Variants in KCNH1 observed in about 807,000 individuals in gnomAD.
The protein encoded by KCNH1 is potassium voltage-gated channel subfamily H member 1, also known as voltage-gated delayed rectifier potassium channel KCNH1.
A neutral mutation model predicts 69.2 loss-of-function variants in KCNH1; 27 were observed. The ratio of observed to expected loss-of-function variants is 0.39; its 90% confidence interval spans 0.29 to 0.54. The LOEUF is 0.54. KCNH1 is among the 20% of genes least tolerant of loss of function. The pLI is 0.68. For synonymous variants in KCNH1, 456 were observed against 487.7 expected, an observed-to-expected ratio of 0.93 and a Z score of 0.86; for missense variants, 798 against 1,261.6, an observed-to-expected ratio of 0.63 and a Z score of 5.57.
rs558334005 is a variant in KCNH1, at chr1:211,084,358, T to G, written c.440-1460A>C. On this transcript the variant is annotated intron_variant, in intron 4 of 10. Transcript: ENST00000271751. Reference sequence around the variant, plus strand: ...TTTCAGTCAGTTGTGTATGTAAACATCAGCAAGGGCTCTGCACCCACCCTA... The same window carrying G: ...TTTCAGTCAGTTGTGTATGTAAACAGCAGCAAGGGCTCTGCACCCACCCTA... 3.0e-5 allele frequency among the ~76,000 whole-genome samples: 4 copies of G among 135,068 alleles called. No homozygotes were observed. The South Asian group carries it at 1.0e-3, about 35-fold the overall frequency. 88.6% of individuals were successfully genotyped at this position (135,068 alleles called of 152,430 possible).
chr1:211,003,033 T>TTTTGTTTGTTTG lies in KCNH1; in HGVS notation c.1032+15738_1032+15749dup, dbSNP rs61680039. 3.7e-4 allele frequency among the ~76,000 whole-genome samples: 56 copies of TTTTGTTTGTTTG among 151,246 alleles called. No individual in the cohort carries two copies. In the East Asian group the frequency reaches 5.5e-3, roughly 15 times the overall value. ...GTATGACTTGTGAGCTAAGAATGTTTTTTGTTTGTTTGTTTGTTTGTTTGT... is the reference window on the plus strand; with the variant it reads ...GTATGACTTGTGAGCTAAGAATGTTTTTTGTTTGTTTGTTTGTTTGTTTGTTTGTTTGTTTGT... On this transcript the variant is annotated intron_variant, in intron 6 of 10. Transcript: ENST00000271751.
chr1:210,832,835 CAT>C (rs1222537657), intron 7 of KCNH1, among the ~76,000 whole-genome samples: 1 of 150,230 alleles, frequency 6.7e-6, no homozygotes, highest in East Asian at 1.9e-4. Context: ...TACAATTAAT[CAT>C]ATATCAGCAA....
At chr1:210,786,423 C>T (rs1369862340) in intron 9 of KCNH1, among the ~76,000 whole-genome samples, 1 of 152,202 alleles carries the variant, frequency 6.6e-6, no homozygotes, top group Non-Finnish European at 1.5e-5. Context: ...GTCATACTCC[C>T]TTACGACCCC....
chr1:211,048,618 C>G (rs1558582226), intron 5 of KCNH1, among the ~76,000 whole-genome samples: 1 of 152,146 alleles, frequency 6.6e-6, no homozygotes, highest in Non-Finnish European at 1.5e-5. Flanking sequence ...ATCGTATGTT[C>G]TCACTTATAA....
chr1:211,070,424 A>ACACACACACACACACAC (rs1232138926), intron 5 of KCNH1, among the ~76,000 whole-genome samples: 12 of 110,070 alleles, frequency 1.1e-4, no homozygotes, highest in Non-Finnish European at 1.6e-4. Context: ...CCTTTAAAAA[A>ACACACACACACACACAC]AAAAAAACAC....
At chr1:210,744,938 C>T (rs1389052843) in intron 10 of KCNH1, among the ~76,000 whole-genome samples, 2 of 152,152 alleles carry the variant, frequency 1.3e-5, no homozygotes, top group South Asian at 2.1e-4. Flanking sequence ...CATGGTGGCT[C>T]ACTCCTGTAA....
At chr1:210,806,271 T>C (rs1684548559) in intron 7 of KCNH1, among the ~76,000 whole-genome samples, 3 of 152,218 alleles carry the variant, frequency 2.0e-5, no homozygotes, top group Admixed American at 6.5e-5. Flanking sequence ...TGAGTATGAC[T>C]TGCCATCTCA....
At chr1:211,078,872 C>A (rs1479812164) in intron 5 of KCNH1, among the ~76,000 whole-genome samples, 4 of 131,082 alleles carry the variant, frequency 3.1e-5, no homozygotes, top group African/African-American at 1.1e-4. Context: ...GAGCCGAGAT[C>A]ACACCACTGC....
chr1:211,040,169 C>T (rs1245221243), intron 5 of KCNH1, among the ~76,000 whole-genome samples: 2 of 131,678 alleles, frequency 1.5e-5, no homozygotes, highest in East Asian at 2.2e-4. Context: ...CTAGTCTGGG[C>T]AACAGAGCAA....
At chr1:211,029,793 C>T in intron 5 of KCNH1, among the ~76,000 whole-genome samples, 1 of 152,030 alleles carries the variant, frequency 6.6e-6, no homozygotes, top group East Asian at 1.9e-4. Flanking sequence ...CAGAACATCC[C>T]AAAGAATTCA....
Position 210,683,486 on chromosome 1 carries a change from A to C in KCNH1, c.2765T>G (p.Leu922Arg). 5 of 1,614,122 alleles carry C rather than the reference A, an allele frequency of 3.1e-6. No individual in the cohort carries two copies. Among genetic ancestry groups the C allele is most frequent in the Non-Finnish European group, 4.2e-6 (5 of 1,180,022 alleles). ...HSFYPIPEQT[L>R]QATVLEVRHE... ...CCTCACCTCCAGGACTGTGGCCTGC[A>C]GCGTCTGCTCAGGGATGGGGTAGAA... is the stretch of plus-strand genomic sequence containing the variant. The change falls in exon 11 of 11, where the codon CTG becomes CGG. Residue 922 changes from leucine to arginine, a missense_variant. Leu to Arg is a moderately radical substitution (Grantham distance 102). Transcript: ENST00000271751. The surrounding 1 kb of genome is among the most constrained non-coding windows in gnomAD (Gnocchi z 5.7).
chr1:211,110,085 C>CAAAAG (rs1553380632), intron 1 of KCNH1, among the ~76,000 whole-genome samples: 5 of 148,662 alleles, frequency 3.4e-5, no homozygotes, highest in Non-Finnish European at 5.9e-5. Context: ...CTAAGAGGAA[C>CAAAAG]AGCAAAAAGA....
chr1:211,054,564 G>C (rs182148434), intron 5 of KCNH1, among the ~76,000 whole-genome samples: 184 of 152,050 alleles, frequency 1.2e-3, no homozygotes, highest in African/African-American at 4.2e-3. Flanking sequence ...CTATGGAATA[G>C]AAAAATAACG....
chr1:211,060,254 T>C (rs1159345377), intron 5 of KCNH1, among the ~76,000 whole-genome samples: 1 of 151,628 alleles, frequency 6.6e-6, no homozygotes, highest in Non-Finnish European at 1.5e-5. Flanking sequence ...GAAAAGTTTA[T>C]ACCAATAAAT....
chr1:210,683,819 T>A lies in KCNH1; in HGVS notation c.2432A>T (p.His811Leu). ...GGACCCTGGCGCCTGTAGCTTTGCGTGGTCTGGCACCCCGGAGGTGGAGGC... is the reference window on the plus strand; with the variant it reads ...GGACCCTGGCGCCTGTAGCTTTGCGAGGTCTGGCACCCCGGAGGTGGAGGC... ...QAASTSGVPD[H>L]AKLQAPGSEC... is the part of the protein sequence containing the mutation. The change falls in exon 11 of 11, where the codon CAC becomes CTC. Residue 811 changes from histidine to leucine, a missense_variant. Transcript: ENST00000271751. This position sits in a 1 kb window ranked among gnomAD's most constrained non-coding sequence, Gnocchi z 5.7. The A allele has an allele frequency of 6.2e-7, 1 of 1,613,862 alleles. No individual in the cohort carries two copies. Among genetic ancestry groups the A allele is most frequent in the South Asian group, 1.1e-5 (1 of 91,070 alleles).
At chr1:211,053,705 C>T (rs138803808) in intron 5 of KCNH1, among the ~76,000 whole-genome samples, 3 of 152,228 alleles carry the variant, frequency 2.0e-5, no homozygotes, top group East Asian at 1.9e-4. Flanking sequence ...CTGAACCAGG[C>T]GAAACCATAG....
rs374790363 is a variant in KCNH1 at position 210,879,068 on chromosome 1, A to G, written c.1462+40572T>C. 7.9e-5 allele frequency among the ~76,000 whole-genome samples: 12 copies of G among 152,186 alleles called. No homozygotes were observed. In the East Asian group the frequency reaches 2.3e-3, roughly 29 times the overall value. On this transcript the variant is annotated intron_variant, in intron 7 of 10. Coordinates refer to ENST00000271751, the MANE Select transcript of KCNH1 (RefSeq NM_172362.3). ...AGTTCCTTGAAAGAAACAATATGCAAAGAAGAAATAAACAATCTGAAGTGG... is the reference window on the plus strand; with the variant it reads ...AGTTCCTTGAAAGAAACAATATGCAGAGAAGAAATAAACAATCTGAAGTGG...
chr1:211,057,264 A>G (rs1690328155), intron 5 of KCNH1, among the ~76,000 whole-genome samples: 1 of 152,204 alleles, frequency 6.6e-6, no homozygotes, highest in Non-Finnish European at 1.5e-5. Flanking sequence ...TCTTAATAGT[A>G]GAACTGATCA....
intron 6 of KCNH1, among the ~76,000 whole-genome samples, chr1:210,940,217 T>C (rs1296694863): frequency 6.6e-6 from 1 of 152,198 alleles, no homozygotes. Flanking sequence ...CCTGAAAACC[T>C]AGGACAGGAA....
Sources: allele counts gnomAD v4.1 joint callset (sites outside exome capture counted in the v4.1 genomes callset), GRCh38; gene constraint gnomAD v4.1.1; non-coding constraint Gnocchi (gnomAD v3.1); transcripts MANE v1.5; gene names NCBI Gene and HGNC (gene_info 2026-07-23, HGNC 2026-07-21).